The following ESRP2 variants were observed in gnomAD, a reference collection of about 807,000 sequenced individuals.
The protein encoded by ESRP2 is RNA binding motif protein 35A.
Under a neutral mutation model 78.6 loss-of-function variants are expected in ESRP2, and 48 were observed. The observed-to-expected ratio is 0.61, with a 90% confidence interval of 0.48 to 0.78. The LOEUF (loss-of-function observed/expected upper bound fraction) is 0.78. Among genes scored for constraint, ESRP2 ranks in the 30% least tolerant of loss-of-function variants. The probability of loss-of-function intolerance (pLI) is 0.00; values close to 1 mark genes in which losing one functional copy is unlikely to be tolerated. For synonymous variants in ESRP2, 383 were observed against 406.7 expected, an observed-to-expected ratio of 0.94 and a Z score of 0.70; for missense variants, 863 against 965.9, an observed-to-expected ratio of 0.89 and a Z score of 1.41.
At chr16:68,233,957 C>A in intron 3 of ESRP2, 37 bp downstream of exon 3, 1 of 1,605,536 alleles carries the variant, frequency 6.2e-7, no homozygotes, top group Non-Finnish European at 8.5e-7. Flanking sequence ...ACCTTACTGA[C>A]CACCCCACCC....
Position 68,236,080 on chromosome 16 carries a change from C to A in ESRP2, c.-35G>T, listed in dbSNP as rs1567567558. On this transcript the variant is annotated 5_prime_UTR_variant, in exon 1 of 15. Transcript: ENST00000473183. The surrounding 1 kb of genome is among the most constrained non-coding windows in gnomAD (Gnocchi z 5.2). Reference sequence around the variant, plus strand: ...GGAAGGGGGCTCTCGGCCAGACACGCGGACCGACGAGGCGCACGCACGCAC... The same window carrying A: ...GGAAGGGGGCTCTCGGCCAGACACGAGGACCGACGAGGCGCACGCACGCAC... The A allele has an allele frequency of 7.2e-7, 1 of 1,394,458 alleles. No homozygotes were observed. The allele number at this position is 1,394,458 out of a possible 1,614,324, so 86.4% of individuals were successfully genotyped here.
chr16:68,230,336 T>G, intron 14 of ESRP2, 21 bp from the exon 15 acceptor site: 1 of 1,614,186 alleles, frequency 6.2e-7, no homozygotes, highest in Non-Finnish European at 8.5e-7. Flanking sequence ...GACACAGATT[T>G]AGGGCAGAGA....
intron 13 of ESRP2, 25 bp from the exon 14 acceptor site, chr16:68,230,579 G>A (rs777455176): frequency 6.5e-7 from 1 of 1,539,164 alleles, no homozygotes; most frequent in South Asian, 1.3e-5. Flanking sequence ...ACAAGGTTTA[G>A]TCATGCATGC....
rs752621139 is a variant in ESRP2 at position 68,234,125 on chromosome 16, G to T, written c.328-18C>A. 7.6e-6 allele frequency: 12 copies of T among 1,577,144 alleles called. No individual in the cohort carries two copies. The African/African-American group carries it at 8.1e-5, about 11-fold the overall frequency. On this transcript the variant is annotated intron_variant, in intron 2 of 14. Coordinates refer to ENST00000473183, the MANE Select transcript of ESRP2 (RefSeq NM_024939.3). ...TGTGAGAACTGGGGATAGGGAATGG[G>T]GAGAGAGAAACACACAGATTCACAG... is the stretch of plus-strand genomic sequence containing the variant.
chr16:68,234,371 C>G, intron 2 of ESRP2: 1 of 430,404 alleles, frequency 2.3e-6, no homozygotes, highest in Non-Finnish European at 4.2e-6. Context: ...CACACACACT[C>G]CAGGAGTTTG....
Position 68,232,655 on chromosome 16 carries a change from A to G in ESRP2, c.743T>C (p.Val248Ala), listed in dbSNP as rs2042161594. The change falls in exon 7 of 15, where the codon GTG becomes GCG. Residue 248 changes from valine (V) to alanine (A), a missense_variant. By Grantham distance (64) the Val-to-Ala change is moderately conservative. Transcript: ENST00000473183. The surrounding 1 kb of genome is among the most constrained non-coding windows in gnomAD (Gnocchi z 5.2). The stretch of plus-strand genomic sequence containing the variant: ...CCACGGCAACCCACGAGCCCGTACC[A>G]CAGTCTCACTGTCCACCACATCAGC... The part of the protein sequence containing the change: ...SKADVVDSET[V>A]VRARGLPWQS... 6.2e-7 allele frequency: 1 copy of G among 1,614,138 alleles called. No individual in the cohort carries two copies. The highest frequency in any genetic ancestry group is 2.2e-5 in the East Asian group (1 of 44,872).
chr16:68,233,093 G>A (rs2042168475), intron 5 of ESRP2: 1 of 612,936 alleles, frequency 1.6e-6, no homozygotes. Flanking sequence ...CAGCTACTCT[G>A]GAGGCTTAGA....
chr16:68,235,906 G>A lies in ESRP2; in HGVS notation c.140C>T (p.Ser47Leu). The change falls in exon 1 of 15, where the codon TCG (serine) becomes TTG (leucine). Residue 47 changes from serine to leucine, a missense_variant. Ser to Leu is a moderately radical substitution (Grantham distance 145, BLOSUM62 -2). Coordinates refer to ENST00000473183, the MANE Select transcript of ESRP2 (RefSeq NM_024939.3). This position sits in a 1 kb window ranked among gnomAD's most constrained non-coding sequence, Gnocchi z 5.5. ...TAGGAGGATTAAGTCGGTCTCGTCC[G>A]AGCCCAGGTCCCGTCCCAGCGCACC... Reference protein sequence around the residue: ...TAGALGRDLGSDETDLILLVW... With the variant: ...TAGALGRDLGLDETDLILLVW... 1.9e-6 allele frequency: 3 copies of A among 1,610,188 alleles called. No homozygotes were observed. The highest frequency in any genetic ancestry group is 2.5e-6 in the Non-Finnish European group (3 of 1,178,996).
Position 68,232,273 on chromosome 16 carries a change from C to G in ESRP2, c.970G>C (p.Gly324Arg), listed in dbSNP as rs759927611. 8.7e-6 allele frequency: 14 copies of G among 1,614,176 alleles called. No individual in the cohort carries two copies. The highest frequency in any genetic ancestry group is 1.2e-5 in the Non-Finnish European group (14 of 1,180,010). Residue 324 changes from glycine (G) to arginine (R), a missense_variant, in exon 9 of 15, where the codon GGG (glycine) becomes CGG (arginine). Coordinates refer to ENST00000473183, the MANE Select transcript of ESRP2 (RefSeq NM_024939.3). The surrounding 1 kb of genome is among the most constrained non-coding windows in gnomAD (Gnocchi z 5.2). ...VRYIEVYKAT[G>R]EEFVKIAGGT... is the part of the protein sequence containing the mutation. ...CCTGCAATCTTTACAAACTCCTCCC[C>G]TGTCGCTTTATACACCTGTGGGTAC...
rs542441129 is a variant in ESRP2 at position 68,230,126 on chromosome 16, C to T, written c.*100G>A. On this transcript the variant is annotated 3_prime_UTR_variant, in exon 15 of 15. Coordinates refer to ENST00000473183, the MANE Select transcript of ESRP2 (RefSeq NM_024939.3). ...GGTACCTTCTGAGAGCTTTGACAAGCCAGAAAGAAGCTACCAGGTTGAGGG... is the reference window on the plus strand; with the variant it reads ...GGTACCTTCTGAGAGCTTTGACAAGTCAGAAAGAAGCTACCAGGTTGAGGG... 5 of 1,150,066 alleles carry T rather than the reference C, an allele frequency of 4.3e-6. No individual in the cohort carries two copies. The highest frequency in any genetic ancestry group is 2.1e-4 in the Middle Eastern group (1 of 4,810). The allele number at this position is 1,150,066 out of a possible 1,614,324, so 71.2% of individuals were successfully genotyped here. A position where few individuals can be genotyped will look rare whatever the true frequency, so the allele number is the denominator to read the frequency against.
rs1236100392 is a variant in ESRP2 at position 68,232,900 on chromosome 16, GAGAT to G, written c.656-89_656-86del. 8.8e-6 allele frequency: 14 copies of G among 1,586,754 alleles called. No individual in the cohort carries two copies. The highest frequency in any genetic ancestry group is 1.2e-5 in the Non-Finnish European group (14 of 1,159,040). On this transcript the variant is annotated intron_variant, in intron 5 of 14. Transcript: ENST00000473183. This position sits in a 1 kb window ranked among gnomAD's most constrained non-coding sequence, Gnocchi z 5.2. ...TTCTGCAAAAAGTGGACAATTGAGA[GAGAT>G]GAAGAAATGACAGGCCGAGCACAGT...
chr16:68,230,772 G>A, intron 13 of ESRP2, 69 bp downstream of exon 13: 1 of 1,589,804 alleles, frequency 6.3e-7, no homozygotes, highest in East Asian at 2.2e-5. Context: ...GGTCCAGAAA[G>A]GGGATCGTGA....
intron 5 of ESRP2, 94 bp downstream of exon 5, chr16:68,233,233 C>A: frequency 3.7e-6 from 3 of 821,808 alleles, no homozygotes; most frequent in Non-Finnish European, 6.2e-6. Context: ...AAAGAGGATT[C>A]CCCCGTGGTC....
chr16:68,235,583 C>T lies in ESRP2; in HGVS notation c.327+51G>A. 1 of 1,591,796 alleles carries T rather than the reference C, an allele frequency of 6.3e-7. No homozygotes were observed. Among genetic ancestry groups the T allele is most frequent in the Non-Finnish European group, 8.5e-7 (1 of 1,177,198 alleles). On this transcript the variant is annotated intron_variant, in intron 2 of 14. Transcript: ENST00000473183. This position sits in a 1 kb window ranked among gnomAD's most constrained non-coding sequence, Gnocchi z 5.5. ...CCTAGCCTCCGGCCGCCAATCCCGC[C>T]CAGAAATGTCCTCACGTCCAGGCCA...
rs755229642 is a variant in ESRP2, at chr16:68,233,769, C to T, written c.555G>A (p.Gln185=). 8.7e-6 allele frequency: 14 copies of T among 1,611,994 alleles called. No individual in the cohort carries two copies. Among genetic ancestry groups the T allele is most frequent in the Non-Finnish European group, 1.1e-5 (13 of 1,178,428 alleles). Residue 185 remains glutamine (Q), a splice_region_variant and synonymous_variant, in exon 4 of 15, where the codon CAG becomes CAA. Transcript: ENST00000473183. ...ARDLTVATMA[Q]GLGLETDATE... The stretch of plus-strand genomic sequence containing the variant: ...CTAACCCTGCTGGGTCACAGATACC[C>T]TGTGCCATGGTGGCCACAGTGAGGT...
chr16:68,232,228 T>C lies in ESRP2; in HGVS notation c.997+18A>G, dbSNP rs202084845. The C allele has an allele frequency of 7.2e-5, 116 of 1,614,128 alleles. 2 individuals are homozygous for C. The Middle Eastern group carries it at 1.3e-3, about 18-fold the overall frequency. ...ATCAAGAACCAGGGGAGCCAGGCCCTGTTTGCAGTATACTCACCCCCTGCA... is the reference window on the plus strand; with the variant it reads ...ATCAAGAACCAGGGGAGCCAGGCCCCGTTTGCAGTATACTCACCCCCTGCA... On this transcript the variant is annotated intron_variant, in intron 9 of 14. Transcript: ENST00000473183. The surrounding 1 kb of genome is among the most constrained non-coding windows in gnomAD (Gnocchi z 5.2).
rs748334699 is a variant in ESRP2 at position 68,235,612 on chromosome 16, C to G, written c.327+22G>C. On this transcript the variant is annotated intron_variant, in intron 2 of 14. Coordinates refer to ENST00000473183, the MANE Select transcript of ESRP2 (RefSeq NM_024939.3). The surrounding 1 kb of genome is among the most constrained non-coding windows in gnomAD (Gnocchi z 5.5). ...AAATGTCCTCACGTCCAGGCCATGC[C>G]GCCACCCACCCCGGCGCTCACCTGC... 6.3e-7 allele frequency: 1 copy of G among 1,596,172 alleles called. No individual in the cohort carries two copies. The highest frequency in any genetic ancestry group is 2.2e-5 in the East Asian group (1 of 44,826).
Position 68,236,057 on chromosome 16 carries a change from A to T in ESRP2, c.-12T>A. ...GGCGGCGGAGTCATGGCCGCAGAGG[A>T]AGGGGGCTCTCGGCCAGACACGCGG... On this transcript the variant is annotated 5_prime_UTR_variant, in exon 1 of 15. Coordinates refer to ENST00000473183, the MANE Select transcript of ESRP2 (RefSeq NM_024939.3). The surrounding 1 kb of genome is among the most constrained non-coding windows in gnomAD (Gnocchi z 5.2). 1.4e-6 allele frequency: 2 copies of T among 1,419,406 alleles called. No homozygotes were observed. Among genetic ancestry groups the T allele is most frequent in the Non-Finnish European group, 1.8e-6 (2 of 1,099,462 alleles). The allele number at this position is 1,419,406 out of a possible 1,614,324, so 87.9% of individuals were successfully genotyped here.
At position 68,231,759 on chromosome 16, in the gene ESRP2, G is replaced by A; in HGVS notation, c.1299+43C>T. On this transcript the variant is annotated intron_variant, in intron 10 of 14. Transcript: ENST00000473183. This position sits in a 1 kb window ranked among gnomAD's most constrained non-coding sequence, Gnocchi z 6.0. ...GGGCAGGGACACAGAGGGCCGCCCT[G>A]GAGTAACAGTACATCTGGGGGTGGG... is the stretch of plus-strand genomic sequence containing the variant. 1.3e-6 allele frequency: 2 copies of A among 1,598,888 alleles called. No homozygotes were observed. Among genetic ancestry groups the A allele is most frequent in the Non-Finnish European group, 1.7e-6 (2 of 1,169,816 alleles).
Sources: gnomAD v4.1 joint callset for allele counts on GRCh38, gnomAD v4.1.1 for gene constraint, Gnocchi (gnomAD v3.1) non-coding constraint, MANE v1.5 for transcripts, NCBI Gene and HGNC (gene_info 2026-07-23, HGNC 2026-07-21) for gene names.